Variants in ALPK2 observed in about 807,000 individuals in gnomAD.
The protein encoded by ALPK2 is alpha kinase 2.
Under a neutral mutation model 163.1 loss-of-function variants are expected in ALPK2, and 127 were observed. The observed-to-expected ratio is 0.78, with a 90% CI of 0.67 to 0.90. The LOEUF is 0.90. ALPK2 is among the 40% of genes least tolerant of loss of function. The pLI, the probability that ALPK2 is intolerant of heterozygous loss-of-function variation, is 0.00. For missense variants in ALPK2, 2,360 were observed against 2,589.6 expected (o/e 0.91, Z 1.92); for synonymous variants, 953 against 959.1 (o/e 0.99, Z 0.12).
Position 58,487,602 on chromosome 18 carries a change from A to G in ALPK2, c.6297-5563T>C, listed in dbSNP as rs12966126. 2.3e-3 allele frequency among the ~76,000 whole-genome samples: 346 copies of G among 152,314 alleles called. 1 individual carries two copies. Among genetic ancestry groups the G allele is most frequent in the Middle Eastern group, 0.017 (5 of 292 alleles). ...TTTTTAAAAATCTTAACTCTATAGA[A>G]TTTTACTAAATGGGTCTTTTTGTCC... On this transcript the variant is annotated intron_variant, in intron 12 of 12. Transcript: ENST00000361673.
intron 12 of ALPK2, among the ~76,000 whole-genome samples, chr18:58,493,234 A>G (rs1384562327): frequency 2.6e-5 from 4 of 152,162 alleles, no homozygotes; most frequent in African/African-American, 9.7e-5. Flanking sequence ...TTGGTGTTCT[A>G]TAGTGACATG....
At chr18:58,570,300 A>G (rs991005819) in intron 4 of ALPK2, among the ~76,000 whole-genome samples, 11 of 152,342 alleles carry the variant, frequency 7.2e-5, no homozygotes, top group Middle Eastern at 3.4e-3. Flanking sequence ...CGAGCACTGT[A>G]TTACAAGATG....
At chr18:58,620,226 G>A (rs1264729360) in intron 1 of ALPK2, among the ~76,000 whole-genome samples, 2 of 152,192 alleles carry the variant, frequency 1.3e-5, no homozygotes, top group African/African-American at 4.8e-5. Context: ...GGGAGGTGGA[G>A]GTGGCAGAGA....
chr18:58,620,531 A>G (rs1256757330), intron 1 of ALPK2, among the ~76,000 whole-genome samples: 1 of 152,202 alleles, frequency 6.6e-6, no homozygotes, highest in Non-Finnish European at 1.5e-5. Context: ...AATGCTAATA[A>G]TAAATGTGCC....
At chr18:58,585,680 CTTTTTTTT>C (rs71173066) in intron 3 of ALPK2, among the ~76,000 whole-genome samples, 1 of 77,636 alleles carries the variant, frequency 1.3e-5, no homozygotes, top group Admixed American at 1.6e-4. Context: ...TTCTATGTTG[CTTTTTTTT>C]TTTTTTTTTT....
At chr18:58,581,109 G>A (rs1471326611) in intron 3 of ALPK2, 1 of 151,562 alleles carries the variant, frequency 6.6e-6, no homozygotes, top group African/African-American at 2.4e-5. Flanking sequence ...GATGAATGGG[G>A]AAAATGTTTT....
Position 58,536,260 on chromosome 18 carries a change from A to G in ALPK2, c.3927T>C (p.Asp1309=). ...CTTCGCCTTTATGGCTTTCTCTGCT[A>G]TCAGCAAGGGCTGACTCAGCATCCT... ...SPEDAESALA[D]SRESHKGEEP... is the part of the protein sequence containing the mutation. Residue 1309 remains aspartate (D), a synonymous_variant, in exon 5 of 13, where the codon GAT becomes GAC. Coordinates refer to ENST00000361673, the MANE Select transcript of ALPK2 (RefSeq NM_052947.4). 5.0e-6 allele frequency: 8 copies of G among 1,614,180 alleles called. No homozygotes were observed. Among genetic ancestry groups the G allele is most frequent in the Non-Finnish European group, 6.8e-6 (8 of 1,180,020 alleles).
chr18:58,618,453 C>T (rs1046410016), intron 1 of ALPK2, among the ~76,000 whole-genome samples: 2 of 152,206 alleles, frequency 1.3e-5, no homozygotes, highest in African/African-American at 2.4e-5. Context: ...TCCCTAGGCT[C>T]AAACCTCAGC....
In ALPK2 at chr18:58,579,220, C is replaced by G. The variant is rs1329745848; in HGVS notation, c.1556G>C (p.Arg519Thr). ...GCTCCATAAGTCCTTTCCCCCCACT[C>G]TCTTGTCAGCTGCCGTCTCCCAACA... ...SQCWETAADK[R>T]VGGKDLWSKR... The change falls in exon 4 of 13, where the codon AGA becomes ACA. Residue 519 changes from arginine to threonine, a missense_variant. Physicochemically the swap from Arg to Thr is moderately conservative, Grantham distance 71 (BLOSUM62 -1). Coordinates refer to ENST00000361673, the MANE Select transcript of ALPK2 (RefSeq NM_052947.4). 4 of 1,614,002 alleles carry G rather than the reference C, an allele frequency of 2.5e-6. No homozygotes were observed. Among genetic ancestry groups the G allele is most frequent in the Admixed American group, 3.3e-5 (2 of 59,986 alleles).
chr18:58,626,338 A>ACGGTG lies in ALPK2; in HGVS notation c.-21+2421_-21+2425dup, dbSNP rs1482058100. On this transcript the variant is annotated intron_variant, in intron 1 of 12. Transcript: ENST00000361673. ...CACTGACCCCGCGCAATTCTAGCCC[A>ACGGTG]CGGTGCGATCCCTATCCTGGAAACT... 4.6e-5 allele frequency among the ~76,000 whole-genome samples: 7 copies of ACGGTG among 152,194 alleles called. No individual in the cohort carries two copies. The East Asian group carries it at 1.3e-3, about 29-fold the overall frequency.
chr18:58,580,703 C>G, intron 3 of ALPK2, 155 bp from the exon 4 acceptor site: 1 of 738,240 alleles, frequency 1.4e-6, no homozygotes, highest in Non-Finnish European at 2.2e-6. Context: ...CCAAAGGCAA[C>G]TGACCTCTGG....
intron 8 of ALPK2, among the ~76,000 whole-genome samples, chr18:58,517,757 C>T (rs1450487051): frequency 3.9e-5 from 6 of 151,922 alleles, no homozygotes; most frequent in Non-Finnish European, 8.8e-5. Context: ...TGTTGGTCCT[C>T]TTGGTAGCAA....
intron 4 of ALPK2, among the ~76,000 whole-genome samples, chr18:58,573,226 G>GTATA (rs1346732511): frequency 7.2e-6 from 1 of 139,466 alleles, no homozygotes; most frequent in South Asian, 2.2e-4. Flanking sequence ...ATATATATGT[G>GTATA]TATATGTGTG....
rs1408604864 is a variant in ALPK2 at position 58,537,019 on chromosome 18, C to A, written c.3168G>T (p.Gln1056His). ...EKVSQFPSQVQLDHILSGATI... is the reference protein window; with the variant it reads ...EKVSQFPSQVHLDHILSGATI... The stretch of plus-strand genomic sequence containing the variant: ...TAGCACCACTTAAAATATGATCCAA[C>A]TGCACTTGGGAAGGAAATTGGGAAA... The change falls in exon 5 of 13, where the codon CAG becomes CAT. Residue 1056 changes from glutamine (Q) to histidine (H), a missense_variant. By Grantham distance (24) the Gln-to-His change is conservative. Transcript: ENST00000361673. The A allele has an allele frequency of 1.2e-6, 2 of 1,613,910 alleles. No homozygotes were observed. Among genetic ancestry groups the A allele is most frequent in the African/African-American group, 2.7e-5 (2 of 75,050 alleles).
At chr18:58,564,561 T>G (rs2051841801) in intron 4 of ALPK2, among the ~76,000 whole-genome samples, 1 of 148,418 alleles carries the variant, frequency 6.7e-6, no homozygotes, top group African/African-American at 2.6e-5. Flanking sequence ...ATCATCAGGT[T>G]TTTTTTTTTT....
intron 8 of ALPK2, among the ~76,000 whole-genome samples, chr18:58,522,014 G>C (rs562529066): frequency 6.3e-4 from 96 of 152,286 alleles, no homozygotes; most frequent in African/African-American, 2.2e-3. Context: ...TTTATTACCT[G>C]TTTCTGCAGA....
At chr18:58,598,694 T>A (rs2052053577) in intron 3 of ALPK2, among the ~76,000 whole-genome samples, 1 of 152,140 alleles carries the variant, frequency 6.6e-6, no homozygotes, top group Non-Finnish European at 1.5e-5. Context: ...ACTAGCCATC[T>A]CCCCTTGTCA....
intron 4 of ALPK2, among the ~76,000 whole-genome samples, chr18:58,575,837 C>T (rs774641037): frequency 3.5e-4 from 54 of 152,144 alleles, no homozygotes; most frequent in Admixed American, 9.8e-4. Context: ...AAGACAACAG[C>T]AAGATGGCCT....
At chr18:58,507,579 C>T in intron 10 of ALPK2, among the ~76,000 whole-genome samples, 1 of 152,148 alleles carries the variant, frequency 6.6e-6, no homozygotes, top group East Asian at 1.9e-4. Context: ...ACCCCCTCTC[C>T]CAGTGGAATG....
Sources: allele counts gnomAD v4.1 joint callset (sites outside exome capture counted in the v4.1 genomes callset), GRCh38; gene constraint gnomAD v4.1.1; transcripts MANE v1.5; gene names NCBI Gene and HGNC (gene_info 2026-07-23, HGNC 2026-07-21).